The following SMAP1 variants were observed in gnomAD, a reference collection of about 807,000 sequenced individuals.
SMAP1 encodes the protein small ArfGAP 1.
Under a neutral mutation model 58.5 loss-of-function variants are expected in SMAP1, and 24 were observed. The observed-to-expected ratio is 0.41, with a 90% confidence interval of 0.30 to 0.58. The LOEUF (loss-of-function observed/expected upper bound fraction) is 0.58, where lower values mean the gene tolerates loss of function less well. Among genes scored for constraint, SMAP1 ranks in the 20% least tolerant of loss-of-function variants. The pLI is 0.29. For synonymous variants in SMAP1, 216 were observed against 196.6 expected, an observed-to-expected ratio of 1.10 and a Z score of -0.82; for missense variants, 563 against 566.3, an observed-to-expected ratio of 0.99 and a Z score of 0.06.
chr6:70,757,391 C>T (rs1434878036), intron 3 of SMAP1, among the ~76,000 whole-genome samples: 6 of 151,482 alleles, frequency 4.0e-5, no homozygotes, highest in Admixed American at 1.3e-4. Flanking sequence ...AAGACTTAAA[C>T]GTTAGACCTA....
intron 4 of SMAP1, among the ~76,000 whole-genome samples, chr6:70,774,388 C>T (rs1767460493): frequency 6.6e-6 from 1 of 152,084 alleles, no homozygotes; most frequent in African/African-American, 2.4e-5. Flanking sequence ...AAGCTATAAA[C>T]CAGTTAATCT....
chr6:70,781,507 G>C lies in SMAP1; in HGVS notation c.414+8082G>C, dbSNP rs1225387109. ...TTCATGGTATACTAAAAGCTCATGA[G>C]ACAGCCATTTGAGAATTGCTGTGAT... On this transcript the variant is annotated intron_variant, in intron 4 of 10. Coordinates refer to ENST00000370455, the MANE Select transcript of SMAP1 (RefSeq NM_001044305.3). 5.3e-5 allele frequency among the ~76,000 whole-genome samples: 8 copies of C among 152,158 alleles called. No individual in the cohort carries two copies. In the East Asian group the frequency reaches 1.5e-3, roughly 29 times the overall value.
In SMAP1 at chr6:70,861,074, T is replaced by TA. The variant is rs1268969739; in HGVS notation, c.*741dup. ...ACTTTCAATCTTCAATCCTTGAAGG[T>TA]ATATCTAGGTTTATGACAGTAATTG... is the stretch of plus-strand genomic sequence containing the variant. On this transcript the variant is annotated 3_prime_UTR_variant, in exon 11 of 11. Transcript: ENST00000370455. 5.0e-6 allele frequency: 1 copy of TA among 198,590 alleles called. No homozygotes were observed. Among genetic ancestry groups the TA allele is most frequent in the Non-Finnish European group, 1.0e-5 (1 of 98,520 alleles). 12.3% of individuals were successfully genotyped at this position (198,590 alleles called of 1,614,324 possible).
At chr6:70,726,862 A>G (rs1256292978) in intron 1 of SMAP1, among the ~76,000 whole-genome samples, 1 of 145,542 alleles carries the variant, frequency 6.9e-6, no homozygotes, top group African/African-American at 2.6e-5. Flanking sequence ...GTAATATTAT[A>G]CAAATTTTAG....
At chr6:70,779,912 A>G (rs1183470000) in intron 4 of SMAP1, among the ~76,000 whole-genome samples, 3 of 152,162 alleles carry the variant, frequency 2.0e-5, no homozygotes, top group Non-Finnish European at 2.9e-5. Flanking sequence ...ACCATAGTAA[A>G]TCAGTTGCTT....
intron 6 of SMAP1, among the ~76,000 whole-genome samples, chr6:70,835,174 C>T (rs1162968873): frequency 6.0e-5 from 9 of 150,394 alleles, no homozygotes; most frequent in Non-Finnish European, 1.0e-4. Flanking sequence ...ATGGCTTGAA[C>T]CCGAGAGGCG....
In SMAP1 at chr6:70,832,952, T is replaced by G. The variant is rs528176633; in HGVS notation, c.577-3989T>G. ...AGTCTGTATTTTAAGTTATTATTAC[T>G]CATCTAGGACTAGGAACATAAGTAC... is the stretch of plus-strand genomic sequence containing the variant. On this transcript the variant is annotated intron_variant, in intron 6 of 10. Transcript: ENST00000370455. Among the ~76,000 whole-genome samples, 5 of 152,288 alleles carry G rather than the reference T, an allele frequency of 3.3e-5. No individual in the cohort carries two copies. In the East Asian group the frequency reaches 9.6e-4, roughly 29 times the overall value.
At chr6:70,671,461 G>A (rs1213796216) in intron 1 of SMAP1, among the ~76,000 whole-genome samples, 1 of 152,108 alleles carries the variant, frequency 6.6e-6, no homozygotes, top group African/African-American at 2.4e-5. Context: ...TAATCCCTAC[G>A]TGGGAGGCGG....
intron 1 of SMAP1, among the ~76,000 whole-genome samples, chr6:70,718,936 A>G (rs1479900676): frequency 1.3e-5 from 2 of 151,968 alleles, no homozygotes; most frequent in Non-Finnish European, 2.9e-5. Context: ...ACAAGTATCT[A>G]ATAATTAATG....
chr6:70,758,055 A>G (rs1766580258), intron 3 of SMAP1, among the ~76,000 whole-genome samples: 1 of 152,024 alleles, frequency 6.6e-6, no homozygotes, highest in African/African-American at 2.4e-5. Flanking sequence ...TTGCTGCTAT[A>G]AAGACACATG....
chr6:70,752,882 C>T (rs1344993332), intron 2 of SMAP1, among the ~76,000 whole-genome samples: 1 of 152,034 alleles, frequency 6.6e-6, no homozygotes, highest in Non-Finnish European at 1.5e-5. Context: ...ACAAACACAT[C>T]CATGCACTTT....
rs1436209507 is a variant in SMAP1 at position 70,770,508 on chromosome 6, A to G, written c.339-2842A>G. 2.0e-5 allele frequency among the ~76,000 whole-genome samples: 3 copies of G among 152,108 alleles called. No individual in the cohort carries two copies. The East Asian group carries it at 5.8e-4, about 29-fold the overall frequency. The stretch of plus-strand genomic sequence containing the variant: ...CTTCATTTCATTCATTTCGTCTTCC[A>G]TCACTGACACCCTTTCTTCCAGTTG... On this transcript the variant is annotated intron_variant, in intron 3 of 10. Transcript: ENST00000370455.
At chr6:70,775,991 T>C (rs1767530674) in intron 4 of SMAP1, among the ~76,000 whole-genome samples, 1 of 152,170 alleles carries the variant, frequency 6.6e-6, no homozygotes, top group Non-Finnish European at 1.5e-5. Context: ...CTCATCCAAA[T>C]AAATTTGGAT....
At chr6:70,840,172 G>A (rs1770749523) in intron 7 of SMAP1, among the ~76,000 whole-genome samples, 1 of 152,214 alleles carries the variant, frequency 6.6e-6, no homozygotes, top group Non-Finnish European at 1.5e-5. Context: ...GAGAGAACTT[G>A]TATAGCGATA....
Position 70,857,960 on chromosome 6 carries a change from C to G in SMAP1, c.1000C>G (p.Gln334Glu). Reference sequence around the variant, plus strand: ...ACCCACAAATATACCATTTACCTCACAAGCACCAGCTGCATTTCAGGGCTT... The same window carrying G: ...ACCCACAAATATACCATTTACCTCAGAAGCACCAGCTGCATTTCAGGGCTT... ...MGPTNIPFTS[Q>E]APAAFQGFPS... Residue 334 changes from glutamine (Q) to glutamate (E), a missense_variant, in exon 10 of 11, where the codon CAA (glutamine) becomes GAA (glutamate). By Grantham distance (29) the Gln-to-Glu change is conservative. This residue lies in a region of SMAP1 where 494 missense variants were observed against 473.8 expected (regional missense o/e 1.04). Transcript: ENST00000370455. 1.2e-6 allele frequency: 2 copies of G among 1,614,118 alleles called. No individual in the cohort carries two copies. Among genetic ancestry groups the G allele is most frequent in the Non-Finnish European group, 1.7e-6 (2 of 1,179,994 alleles).
intron 6 of SMAP1, among the ~76,000 whole-genome samples, chr6:70,828,583 T>C (rs890187717): frequency 7.9e-5 from 12 of 152,226 alleles, no homozygotes; most frequent in Non-Finnish European, 1.5e-4. Context: ...AGTAATATTT[T>C]TTCTTTTCAC....
At chr6:70,791,838 G>A in intron 5 of SMAP1, 69 bp downstream of exon 5, 2 of 1,297,750 alleles carry the variant, frequency 1.5e-6, no homozygotes, top group Non-Finnish European at 2.2e-6. Context: ...TTTGCAGTGT[G>A]TCATTCGGGA....
chr6:70,754,757 A>G (rs755024555), intron 2 of SMAP1, among the ~76,000 whole-genome samples: 6 of 152,148 alleles, frequency 3.9e-5, no homozygotes, highest in Non-Finnish European at 5.9e-5. Flanking sequence ...ATTATGGACT[A>G]TGGATCAACA....
chr6:70,680,129 A>G (rs1418180022), intron 1 of SMAP1, among the ~76,000 whole-genome samples: 1 of 151,360 alleles, frequency 6.6e-6, no homozygotes, highest in African/African-American at 2.5e-5. Flanking sequence ...AACAACAACA[A>G]CAACAACAGA....
Sources: allele counts gnomAD v4.1 joint callset (sites outside exome capture counted in the v4.1 genomes callset), GRCh38; gene constraint gnomAD v4.1.1; regional missense constraint gnomAD v4.1.1; transcripts MANE v1.5; gene names NCBI Gene and HGNC (gene_info 2026-07-23, HGNC 2026-07-21).